EIF4G3: variants seen among roughly 807,000 people sequenced by gnomAD.
EIF4G3 encodes eIF-4-gamma 3.
A neutral mutation model predicts 186.4 loss-of-function variants in EIF4G3; 34 were observed. The observed-to-expected ratio is 0.18, with a 90% CI of 0.14 to 0.24. The LOEUF (loss-of-function observed/expected upper bound fraction) is 0.24. EIF4G3 is among the 10% of genes least tolerant of loss of function. The pLI is 1.00. For synonymous variants in EIF4G3, 673 were observed against 679.5 expected (o/e 0.99, Z 0.15); for missense variants, 1,536 against 1,948.5 (o/e 0.79, Z 3.99).
chr1:20,865,409 A>G, intron 20 of EIF4G3, 147 bp from the exon 21 acceptor site: 1 of 773,392 alleles, frequency 1.3e-6, no homozygotes, highest in Non-Finnish European at 2.0e-6. Context: ...CAGGCATTTC[A>G]TGATTCAACA....
chr1:21,095,848 C>T (rs2096354482), intron 2 of EIF4G3, among the ~76,000 whole-genome samples: 1 of 150,804 alleles, frequency 6.6e-6, no homozygotes, highest in Non-Finnish European at 1.5e-5. Flanking sequence ...TGGCTGCTGA[C>T]TACGCTGTTA....
At chr1:21,105,119 G>A (rs539493008) in intron 2 of EIF4G3, among the ~76,000 whole-genome samples, 1 of 152,252 alleles carries the variant, frequency 6.6e-6, no homozygotes, top group Non-Finnish European at 1.5e-5. Flanking sequence ...CTTATTACCT[G>A]GGTGATAAAA....
intron 12 of EIF4G3, among the ~76,000 whole-genome samples, chr1:20,964,636 A>G (rs1049316380): frequency 1.1e-4 from 16 of 152,194 alleles, no homozygotes; most frequent in African/African-American, 3.9e-4. Context: ...AATTTAATAT[A>G]ATTGCTCCCT....
intron 4 of EIF4G3, among the ~76,000 whole-genome samples, chr1:21,024,567 G>T (rs2091731366): frequency 6.7e-6 from 1 of 149,660 alleles, no homozygotes; most frequent in South Asian, 2.1e-4. Context: ...TCTCCCTTGG[G>T]ATCCTGTTGA....
rs779946121 is a variant in EIF4G3, at chr1:20,864,728, G to A, written c.2770-16C>T. 6.3e-7 allele frequency: 1 copy of A among 1,590,252 alleles called. No homozygotes were observed. Among genetic ancestry groups the A allele is most frequent in the Non-Finnish European group, 8.6e-7 (1 of 1,159,558 alleles). ...TCTCCTCTGGCTGTTGTGTAAGGAGGAATAATAGCATCTTGATGATGAAAG... is the reference window on the plus strand; with the variant it reads ...TCTCCTCTGGCTGTTGTGTAAGGAGAAATAATAGCATCTTGATGATGAAAG... On this transcript the variant is annotated splice_polypyrimidine_tract_variant and intron_variant, in intron 21 of 36. Transcript: ENST00000602326.
rs536423374 is a variant in EIF4G3 at position 21,127,282 on chromosome 1, TA to T, written c.-271-38070del. Among the ~76,000 whole-genome samples, 116 of 152,292 alleles carry T rather than the reference TA, an allele frequency of 7.6e-4. 1 individual carries two copies. The highest frequency in any genetic ancestry group is 2.6e-3 in the African/African-American group (110 of 41,564). On this transcript the variant is annotated intron_variant, in intron 2 of 36. Coordinates refer to ENST00000602326, the MANE Select transcript of EIF4G3 (RefSeq NM_001391906.1). ...GTGATCTACCATGCCTGGCCTCCTT[TA>T]AATTTTTTTTCAGGACTCAAAATTA...
chr1:20,913,523 C>G (rs892580621), intron 14 of EIF4G3, among the ~76,000 whole-genome samples: 2 of 152,104 alleles, frequency 1.3e-5, no homozygotes, highest in Non-Finnish European at 2.9e-5. Context: ...GAGCAAGAAC[C>G]TGTCTCTAAA....
chr1:20,929,383 C>A (rs895804519), intron 14 of EIF4G3: 1 of 152,170 alleles, frequency 6.6e-6, no homozygotes, highest in Admixed American at 6.5e-5. Flanking sequence ...GGTACAAAAA[C>A]TTTTAATCAA....
intron 16 of EIF4G3, among the ~76,000 whole-genome samples, chr1:20,899,008 G>A (rs1049988363): frequency 3.9e-5 from 6 of 152,152 alleles, no homozygotes; most frequent in African/African-American, 1.4e-4. Flanking sequence ...GGGATTACAG[G>A]CGTGAGCCAC....
At chr1:21,021,419 A>G (rs921559772) in intron 4 of EIF4G3, among the ~76,000 whole-genome samples, 2 of 152,156 alleles carry the variant, frequency 1.3e-5, no homozygotes, top group Non-Finnish European at 2.9e-5. Context: ...ACAACTCACA[A>G]TTTCTCAGAC....
chr1:21,037,236 GA>G (rs111345588), intron 4 of EIF4G3, among the ~76,000 whole-genome samples: 44,700 of 107,658 alleles, frequency 0.42, 7,342 homozygotes, highest in Non-Finnish European at 0.48. Context: ...TCAGAAAAAG[GA>G]AAAAAAAAAA....
chr1:21,150,243 G>A (rs2097528676), intron 2 of EIF4G3, among the ~76,000 whole-genome samples: 1 of 152,180 alleles, frequency 6.6e-6, no homozygotes, highest in Non-Finnish European at 1.5e-5. Flanking sequence ...AGCCAGGACG[G>A]CAAGGACAAG....
At chr1:21,058,995 A>C (rs2094735725) in intron 3 of EIF4G3, among the ~76,000 whole-genome samples, 2 of 151,988 alleles carry the variant, frequency 1.3e-5, no homozygotes, top group Non-Finnish European at 2.9e-5. Flanking sequence ...TATATTTTAT[A>C]TAATATGAAT....
At chr1:21,052,780 G>A (rs1393395531) in intron 3 of EIF4G3, among the ~76,000 whole-genome samples, 3 of 152,178 alleles carry the variant, frequency 2.0e-5, no homozygotes, top group Non-Finnish European at 2.9e-5. Flanking sequence ...ACGGGGTTTC[G>A]CTGTGTTGGC....
chr1:21,173,839 T>C (rs1303658586), intron 2 of EIF4G3, among the ~76,000 whole-genome samples: 2 of 152,232 alleles, frequency 1.3e-5, no homozygotes, highest in Non-Finnish European at 2.9e-5. Flanking sequence ...GTTATCCACT[T>C]ATTGAACAAT....
At chr1:21,158,751 ACTCT>A (rs199957107) in intron 2 of EIF4G3, among the ~76,000 whole-genome samples, 2 of 136,114 alleles carry the variant, frequency 1.5e-5, no homozygotes, top group Non-Finnish European at 3.3e-5. Flanking sequence ...ACACACACAC[ACTCT>A]CTCTCTATAT....
At chr1:21,037,528 G>C (rs1055811753) in intron 4 of EIF4G3, among the ~76,000 whole-genome samples, 4 of 151,910 alleles carry the variant, frequency 2.6e-5, no homozygotes, top group Non-Finnish European at 5.9e-5. Flanking sequence ...TACCTGGCAG[G>C]GTATAATTTG....
chr1:21,077,082 CTCA>C (rs2095611538), intron 3 of EIF4G3, among the ~76,000 whole-genome samples: 1 of 152,018 alleles, frequency 6.6e-6, no homozygotes, highest in African/African-American at 2.4e-5. Context: ...AGAAACACAA[CTCA>C]ACAGCAAAAA....
At chr1:21,013,690 T>C (rs2087901976) in intron 4 of EIF4G3, among the ~76,000 whole-genome samples, 1 of 152,162 alleles carries the variant, frequency 6.6e-6, no homozygotes, top group African/African-American at 2.4e-5. Context: ...AAAGCACTGA[T>C]ACATCCCAGG....
Sources: allele counts gnomAD v4.1 joint callset (sites outside exome capture counted in the v4.1 genomes callset), GRCh38; gene constraint gnomAD v4.1.1; transcripts MANE v1.5; gene names NCBI Gene and HGNC (gene_info 2026-07-23, HGNC 2026-07-21).